The following NELL1 variants were observed in gnomAD, a reference collection of about 807,000 sequenced individuals.
NELL1 encodes protein kinase C-binding protein NELL1.
NELL1 carries 76 observed loss-of-function variants against 107.4 expected under a neutral mutation model. That is an observed-to-expected ratio of 0.71 (90% CI 0.59 to 0.86). The LOEUF (loss-of-function observed/expected upper bound fraction) is 0.86, where lower values mean the gene tolerates loss of function less well. Ranked by LOEUF, NELL1 falls within the 40% of genes least tolerant of loss-of-function variation. The pLI, the probability that NELL1 is intolerant of heterozygous loss-of-function variation, is 0.00. For missense variants in NELL1, 1,024 were observed against 1,005.5 expected (o/e 1.02, Z -0.25); for synonymous variants, 353 against 341.2 (o/e 1.03, Z -0.38).
At chr11:21,564,467 A>G (rs752938334) in intron 17 of NELL1, among the ~76,000 whole-genome samples, 1 of 151,880 alleles carries the variant, frequency 6.6e-6, no homozygotes, top group Non-Finnish European at 1.5e-5. Context: ...AAGAGTAAGA[A>G]CCAGGGTCTG....
chr11:21,282,062 C>T (rs929364133), intron 14 of NELL1, among the ~76,000 whole-genome samples: 1 of 152,030 alleles, frequency 6.6e-6, no homozygotes, highest in Non-Finnish European at 1.5e-5. Context: ...GAAAGACAAC[C>T]TACAGATGGG....
chr11:21,241,191 A>C (rs1858348810), intron 14 of NELL1, among the ~76,000 whole-genome samples: 1 of 152,092 alleles, frequency 6.6e-6, no homozygotes. Flanking sequence ...TTTAGGAAAC[A>C]TTACTGAAAT....
chr11:21,312,359 G>A (rs1161378618), intron 14 of NELL1, among the ~76,000 whole-genome samples: 2 of 148,488 alleles, frequency 1.3e-5, no homozygotes, highest in African/African-American at 2.5e-5. Context: ...TTTTTTGTAT[G>A]ATAGTTTTTT....
At chr11:21,156,558 T>C (rs1443720315) in intron 13 of NELL1, among the ~76,000 whole-genome samples, 1 of 152,036 alleles carries the variant, frequency 6.6e-6, no homozygotes, top group East Asian at 1.9e-4. Flanking sequence ...GAGAAAATTG[T>C]AGTCAGGGAC....
intron 14 of NELL1, among the ~76,000 whole-genome samples, chr11:21,343,988 G>C (rs931043035): frequency 6.6e-6 from 1 of 152,114 alleles, no homozygotes; most frequent in East Asian, 1.9e-4. Context: ...AGTATAATCA[G>C]GTTGCTGTTG....
At chr11:20,983,413 A>AC (rs11354684) in intron 12 of NELL1, among the ~76,000 whole-genome samples, 1 of 151,684 alleles carries the variant, frequency 6.6e-6, no homozygotes, top group African/African-American at 2.4e-5. Flanking sequence ...TATATACTAC[A>AC]CCCCCCAGCT....
intron 2 of NELL1, among the ~76,000 whole-genome samples, chr11:20,766,187 C>A (rs1322273608): frequency 2.0e-5 from 3 of 152,150 alleles, no homozygotes; most frequent in Admixed American, 6.5e-5. Context: ...TTCCCTGGGC[C>A]CCCTGTCAAA....
At chr11:21,035,472 TAA>T (rs201070130) in intron 12 of NELL1, among the ~76,000 whole-genome samples, 181 of 133,050 alleles carry the variant, frequency 1.4e-3, no homozygotes, top group South Asian at 7.4e-3. Flanking sequence ...GCAAAAATCC[TAA>T]AAAAAAAAAA....
intron 13 of NELL1, among the ~76,000 whole-genome samples, chr11:21,206,188 AG>A (rs2133854516): frequency 6.6e-6 from 1 of 152,272 alleles, no homozygotes; most frequent in East Asian, 1.9e-4. Context: ...CTCTCTCCAA[AG>A]GCTCTCAGGG....
intron 12 of NELL1, among the ~76,000 whole-genome samples, chr11:21,014,998 T>G (rs1373931926): frequency 6.6e-6 from 1 of 152,174 alleles, no homozygotes; most frequent in Non-Finnish European, 1.5e-5. Flanking sequence ...CACTTATCAC[T>G]GAACACACTT....
At chr11:21,321,355 C>T (rs112570398) in intron 14 of NELL1, among the ~76,000 whole-genome samples, 1 of 151,946 alleles carries the variant, frequency 6.6e-6, no homozygotes, top group African/African-American at 2.4e-5. Context: ...TTCTGATTAA[C>T]TCTGAGATCC....
chr11:20,789,503 C>G (rs1228311751), intron 3 of NELL1, among the ~76,000 whole-genome samples: 3 of 152,200 alleles, frequency 2.0e-5, no homozygotes, highest in Admixed American at 2.0e-4. Context: ...TCGGGGAGCC[C>G]AGGTCTGTGC....
At chr11:21,205,791 C>T (rs896278246) in intron 13 of NELL1, among the ~76,000 whole-genome samples, 1 of 152,130 alleles carries the variant, frequency 6.6e-6, no homozygotes, top group African/African-American at 2.4e-5. Context: ...AATGGGGGCT[C>T]AGATGTGAGA....
chr11:21,333,504 T>C (rs1406625577), intron 14 of NELL1, among the ~76,000 whole-genome samples: 1 of 152,054 alleles, frequency 6.6e-6, no homozygotes, highest in Non-Finnish European at 1.5e-5. Flanking sequence ...TTGTAATAAA[T>C]TAAATAGCAT....
At chr11:20,712,436 A>T (rs958837743) in intron 2 of NELL1, among the ~76,000 whole-genome samples, 45 of 152,138 alleles carry the variant, frequency 3.0e-4, no homozygotes, top group Non-Finnish European at 8.8e-5. Flanking sequence ...CAACCTTCTG[A>T]ACTTTGAGTA....
At position 21,275,134 on chromosome 11, in the gene NELL1, C is replaced by G. The variant is rs139394603; in HGVS notation, c.1549+45680C>G. On this transcript the variant is annotated intron_variant, in intron 14 of 19. Coordinates refer to ENST00000357134, the MANE Select transcript of NELL1 (RefSeq NM_006157.5). ...GGAGCTGGTTTTTTGAAAAGATCAA[C>G]AAAATTCATAGACTGCTAGCAGACT... Among the ~76,000 whole-genome samples, 1,272 of 152,100 alleles carry G rather than the reference C, an allele frequency of 8.4e-3. 17 individuals are homozygous for G. The highest frequency in any genetic ancestry group is 0.029 in the African/African-American group (1,194 of 41,500).
intron 13 of NELL1, among the ~76,000 whole-genome samples, chr11:21,134,208 G>A (rs967219650): frequency 6.6e-5 from 10 of 152,324 alleles, no homozygotes; most frequent in African/African-American, 2.2e-4. Flanking sequence ...TCTAAGTGGT[G>A]TGAATGACCA....
At chr11:21,469,573 T>C (rs1854122296) in intron 15 of NELL1, among the ~76,000 whole-genome samples, 1 of 152,084 alleles carries the variant, frequency 6.6e-6, no homozygotes, top group African/African-American at 2.4e-5. Flanking sequence ...GGACTTCCTT[T>C]TTTCTTCTCC....
chr11:21,404,356 T>C (rs950141516), intron 15 of NELL1, among the ~76,000 whole-genome samples: 5 of 151,936 alleles, frequency 3.3e-5, no homozygotes, highest in African/African-American at 7.2e-5. Flanking sequence ...ATATGGAATT[T>C]AGGGGCAGAC....
Sources: allele counts gnomAD v4.1 joint callset (sites outside exome capture counted in the v4.1 genomes callset), GRCh38; gene constraint gnomAD v4.1.1; transcripts MANE v1.5; gene names NCBI Gene and HGNC (gene_info 2026-07-23, HGNC 2026-07-21).